PACRGL: variants seen among roughly 807,000 people sequenced by gnomAD.
The protein encoded by PACRGL is PACRG-like protein.
A neutral mutation model predicts 34.5 loss-of-function variants in PACRGL; 38 were observed. The observed-to-expected ratio is 1.10, with a 90% confidence interval of 0.85 to 1.44. The LOEUF is 1.44. Ranked by LOEUF, PACRGL falls within the 40% of genes most tolerant of loss-of-function variation. PACRGL has a pLI of 0.00. For synonymous variants in PACRGL, 128 were observed against 100.1 expected (o/e 1.28, Z -1.66); for missense variants, 305 against 281.4 (o/e 1.08, Z -0.60).
At chr4:20,705,813 C>T (rs1418734671) in intron 3 of PACRGL, among the ~76,000 whole-genome samples, 1 of 150,162 alleles carries the variant, frequency 6.7e-6, no homozygotes, top group Non-Finnish European at 1.5e-5. Context: ...TAAAAGCTAC[C>T]AATATAAAAC....
At chr4:20,732,610 G>T, downstream of PACRGL, 1 of 899,374 alleles carries the variant, frequency 1.1e-6, no homozygotes, top group Non-Finnish European at 1.9e-6. Context: ...TTGAATCATC[G>T]TGGTGCATGG....
At chr4:20,735,549 A>AGAT (rs1477639691), downstream of PACRGL, among the ~76,000 whole-genome samples, 2 of 56,786 alleles carry the variant, frequency 3.5e-5, no homozygotes, top group African/African-American at 1.5e-4. Flanking sequence ...TTTTTTTTTG[A>AGAT]GATGGAATCT....
chr4:20,721,300 C>T (rs1008199202), intron 7 of PACRGL, among the ~76,000 whole-genome samples: 12 of 151,446 alleles, frequency 7.9e-5, no homozygotes, highest in Non-Finnish European at 1.0e-4. Flanking sequence ...AAAGTTTGAT[C>T]GTCTGAAGCC....
At chr4:20,733,009 T>G (rs950757842), downstream of PACRGL, among the ~76,000 whole-genome samples, 2 of 152,174 alleles carry the variant, frequency 1.3e-5, no homozygotes, top group Non-Finnish European at 2.9e-5. Context: ...ATCTCTTGGT[T>G]TCAAAAGGAA....
chr4:20,744,153 G>A (rs9995438), intron 8 of PACRGL, among the ~76,000 whole-genome samples: 53,620 of 151,074 alleles, frequency 0.35, 9,916 homozygotes, highest in African/African-American at 0.44. Context: ...GAACACTTTT[G>A]CACTGTTGGT....
At chr4:20,709,911 C>T (rs1041380705) in intron 5 of PACRGL, 138 bp downstream of exon 5, 2 of 628,474 alleles carry the variant, frequency 3.2e-6, no homozygotes, top group African/African-American at 3.7e-5. Flanking sequence ...AAACACCACA[C>T]ACCCTTAGGA....
Position 20,729,999 on chromosome 4 carries a change from C to CTATG in PACRGL, c.*2659_*2662dup. On this transcript the variant is annotated 3_prime_UTR_variant, in exon 9 of 9. Coordinates refer to ENST00000503585, the MANE Select transcript of PACRGL (RefSeq NM_001258345.3). ...ATGCTTCAGTGTCAAGCTGAGCAAT[C>CTATG]TATGCTAAAAGTGGTAGCTCCAACT... 2 of 1,473,636 alleles carry CTATG rather than the reference C, an allele frequency of 1.4e-6. No individual in the cohort carries two copies. The highest frequency in any genetic ancestry group is 4.8e-5 in the East Asian group (2 of 41,738). 91.3% of individuals were successfully genotyped at this position (1,473,636 alleles called of 1,614,324 possible).
At position 20,731,617 on chromosome 4, in the gene PACRGL, C is replaced by A; in HGVS notation, c.*4276C>A. ...ATAGAAGCTTGGCCTGTTGTGATGCCATACTTGGCTATCTAGGAATTCTAA... is the reference window on the plus strand; with the variant it reads ...ATAGAAGCTTGGCCTGTTGTGATGCAATACTTGGCTATCTAGGAATTCTAA... On this transcript the variant is annotated 3_prime_UTR_variant, in exon 9 of 9. Coordinates refer to ENST00000503585, the MANE Select transcript of PACRGL (RefSeq NM_001258345.3). The A allele has an allele frequency of 1.0e-6, 1 of 985,118 alleles. No homozygotes were observed. The highest frequency in any genetic ancestry group is 1.2e-6 in the Non-Finnish European group (1 of 829,720). The allele number at this position is 985,118 out of a possible 1,614,324, so 61.0% of individuals were successfully genotyped here.
At chr4:20,739,479 C>G (rs1272035769) in intron 8 of PACRGL, among the ~76,000 whole-genome samples, 1 of 152,156 alleles carries the variant, frequency 6.6e-6, no homozygotes, top group Non-Finnish European at 1.5e-5. Context: ...CCAGCAAACT[C>G]CAACAGACCT....
At chr4:20,761,586 G>A in the PACRGL span, among the ~76,000 whole-genome samples, 3 of 152,158 alleles carry the variant, frequency 2.0e-5, no homozygotes. Flanking sequence ...TGGCAAGCTT[G>A]TGCAAAGTTA....
At chr4:20,741,612 AAGC>A (rs1751125499) in intron 8 of PACRGL, among the ~76,000 whole-genome samples, 1 of 152,240 alleles carries the variant, frequency 6.6e-6, no homozygotes, top group African/African-American at 2.4e-5. Context: ...CCACAAGAGA[AAGC>A]AGGAAAGATC....
At chr4:20,714,633 G>C (rs944167480) in intron 7 of PACRGL, among the ~76,000 whole-genome samples, 2 of 152,136 alleles carry the variant, frequency 1.3e-5, no homozygotes, top group Admixed American at 6.5e-5. Context: ...TGCAGTGGCT[G>C]GTACAGGTTG....
At chr4:20,716,812 A>G (rs1175182732) in intron 7 of PACRGL, among the ~76,000 whole-genome samples, 1 of 152,196 alleles carries the variant, frequency 6.6e-6, no homozygotes, top group Non-Finnish European at 1.5e-5. Context: ...ATGTGTCTTT[A>G]TAGCAACATG....
Position 20,704,822 on chromosome 4 carries a change from C to CT in PACRGL, c.207+8_207+9insT, listed in dbSNP as rs1234465881. On this transcript the variant is annotated intron_variant, in intron 3 of 8. Coordinates refer to ENST00000503585, the MANE Select transcript of PACRGL (RefSeq NM_001258345.3). ...CCTAAAACAATTAATCCGGTAGGTCCAAAACTATTCCTAACTCAGTAGATT... is the reference window on the plus strand; with the variant it reads ...CCTAAAACAATTAATCCGGTAGGTCCTAAAACTATTCCTAACTCAGTAGATT... 1 of 1,613,144 alleles carries CT rather than the reference C, an allele frequency of 6.2e-7. No individual in the cohort carries two copies. The highest frequency in any genetic ancestry group is 8.5e-7 in the Non-Finnish European group (1 of 1,179,354).
At position 20,731,011 on chromosome 4, in the gene PACRGL, T is replaced by A. The variant is rs1190533347; in HGVS notation, c.*3670T>A. ...ACATCCAGAAAAGTAAGAACAACAA[T>A]TTAAAAATAAAGAGAAAAACTAAAG... On this transcript the variant is annotated 3_prime_UTR_variant, in exon 9 of 9. Transcript: ENST00000503585. 6.6e-6 allele frequency among the ~76,000 whole-genome samples: 1 copy of A among 152,158 alleles called. No homozygotes were observed. Among genetic ancestry groups the A allele is most frequent in the African/African-American group, 2.4e-5 (1 of 41,426 alleles).
At chr4:20,720,217 G>T (rs1279857168) in intron 7 of PACRGL, among the ~76,000 whole-genome samples, 2 of 152,000 alleles carry the variant, frequency 1.3e-5, no homozygotes, top group African/African-American at 2.4e-5. Flanking sequence ...TTGAGCCTAT[G>T]TGTGTCTCTG....
intron 8 of PACRGL, among the ~76,000 whole-genome samples, chr4:20,737,856 G>C (rs536255847): frequency 9.2e-5 from 14 of 152,250 alleles, no homozygotes; most frequent in South Asian, 4.1e-4. Flanking sequence ...AGCAGGCTGG[G>C]GATCATGGCT....
chr4:20,724,750 A>G (rs772160111), intron 7 of PACRGL, 58 bp from the exon 8 acceptor site: 1 of 965,288 alleles, frequency 1.0e-6, no homozygotes, highest in Non-Finnish European at 1.4e-6. Flanking sequence ...ACTTATGCGT[A>G]TGGTGAGCAT....
upstream of PACRGL, chr4:20,700,446 G>C (rs1269551753): frequency 1.3e-5 from 2 of 152,138 alleles, no homozygotes; most frequent in Non-Finnish European, 2.9e-5. Flanking sequence ...GGGGCGGGCC[G>C]CGCGGAGCCT....
Sources: gnomAD v4.1 joint callset for allele counts (sites outside exome capture counted in the v4.1 genomes callset) on GRCh38, gnomAD v4.1.1 for gene constraint, MANE v1.5 for transcripts, NCBI Gene and HGNC (gene_info 2026-07-23, HGNC 2026-07-21) for gene names.